The following MGAT4C variants were observed in gnomAD, a reference collection of about 807,000 sequenced individuals.
MGAT4C encodes MGAT4 family member C, also known as alpha-1,3-mannosyl-glycoprotein 4-beta-N-acetylglucosaminyltransferase C.
MGAT4C carries 19 observed loss-of-function variants against 40.1 expected under a neutral mutation model. That is an observed-to-expected ratio of 0.47 (90% CI 0.33 to 0.70). The LOEUF is 0.70. Ranked by LOEUF, MGAT4C falls within the 30% of genes least tolerant of loss-of-function variation. MGAT4C has a pLI of 0.02. For missense variants in MGAT4C, 491 were observed against 563.2 expected, an observed-to-expected ratio of 0.87 and a Z score of 1.30; for synonymous variants, 181 against 187.1, an observed-to-expected ratio of 0.97 and a Z score of 0.27.
intron 1 of MGAT4C, among the ~76,000 whole-genome samples, chr12:86,075,572 T>C (rs7969864): frequency 1.7e-3 from 257 of 152,330 alleles, no homozygotes; most frequent in African/African-American, 5.7e-3. Context: ...GATCCCACAC[T>C]TCCCTTCTGC....
intron 1 of MGAT4C, among the ~76,000 whole-genome samples, chr12:86,093,237 T>C (rs553740004): frequency 6.6e-6 from 1 of 152,324 alleles, no homozygotes; most frequent in South Asian, 2.1e-4. Flanking sequence ...TCGAATTTTA[T>C]CACTATGTTC....
chr12:86,716,451 T>G (rs1288536702), intron 2 of MGAT4C, among the ~76,000 whole-genome samples: 1 of 152,066 alleles, frequency 6.6e-6, no homozygotes, highest in Non-Finnish European at 1.5e-5. Flanking sequence ...ATCATCTCAT[T>G]TAGTATCTTG....
intron 1 of MGAT4C, among the ~76,000 whole-genome samples, chr12:86,135,617 G>C (rs867940733): frequency 1.3e-5 from 2 of 152,030 alleles, no homozygotes; most frequent in African/African-American, 4.8e-5. Context: ...TATCTCTCAG[G>C]CCTATTTATT....
intron 3 of MGAT4C, among the ~76,000 whole-genome samples, chr12:86,429,373 C>G (rs1328154886): frequency 6.6e-6 from 1 of 151,972 alleles, no homozygotes; most frequent in Non-Finnish European, 1.5e-5. Flanking sequence ...TGCTTTGTAC[C>G]TTAGCATGTG....
At chr12:86,708,320 G>T (rs1327807198) in intron 2 of MGAT4C, among the ~76,000 whole-genome samples, 1 of 152,230 alleles carries the variant, frequency 6.6e-6, no homozygotes, top group Non-Finnish European at 1.5e-5. Flanking sequence ...CAGAAGTCAA[G>T]AATTGGGATT....
chr12:86,661,743 A>T (rs1368282686), intron 2 of MGAT4C, among the ~76,000 whole-genome samples: 6 of 152,066 alleles, frequency 3.9e-5, no homozygotes, highest in Admixed American at 3.9e-4. Context: ...GTCAGGTTCG[A>T]GACCAGCCAA....
chr12:86,439,617 C>T (rs1171163780), intron 2 of MGAT4C, among the ~76,000 whole-genome samples: 1 of 151,564 alleles, frequency 6.6e-6, no homozygotes, highest in Non-Finnish European at 1.5e-5. Flanking sequence ...AGATAAACAA[C>T]AACAACAAAG....
intron 1 of MGAT4C, among the ~76,000 whole-genome samples, chr12:86,233,068 G>A (rs1951394114): frequency 6.6e-6 from 1 of 152,174 alleles, no homozygotes; most frequent in African/African-American, 2.4e-5. Context: ...CGCTGAGGCA[G>A]TCTCTAGGTT....
chr12:86,096,609 T>A (rs1873968952), intron 1 of MGAT4C, among the ~76,000 whole-genome samples: 1 of 151,574 alleles, frequency 6.6e-6, no homozygotes, highest in South Asian at 2.1e-4. Flanking sequence ...TTTTTTATGA[T>A]CAATTTGTCA....
In MGAT4C at chr12:85,965,742, T is replaced by A. The variant is rs1883333868; in HGVS notation, c.*13547A>T. ...GAACTTTTCCTAGCTTCTAAATGAT[T>A]AGAAATTTCAGCTTTGGTTTAACTT... On this transcript the variant is annotated 3_prime_UTR_variant, in exon 5 of 5. Coordinates refer to ENST00000611864, the MANE Select transcript of MGAT4C (RefSeq NM_001351288.2). 1 of 152,132 alleles carries A rather than the reference T, an allele frequency of 6.6e-6. No homozygotes were observed. Among genetic ancestry groups the A allele is most frequent in the Non-Finnish European group, 1.5e-5 (1 of 68,026 alleles). The allele number at this position is 152,132 out of a possible 1,614,324, so 9.4% of individuals were successfully genotyped here. A position where few individuals can be genotyped will look rare whatever the true frequency, so the allele number is the denominator to read the frequency against.
chr12:86,375,308 A>C (rs1351977128), intron 3 of MGAT4C, among the ~76,000 whole-genome samples: 2 of 152,168 alleles, frequency 1.3e-5, no homozygotes, highest in African/African-American at 2.4e-5. Context: ...TTACATGGAG[A>C]TTCTATGCAA....
At chr12:86,028,898 A>G (rs922483426) in intron 2 of MGAT4C, among the ~76,000 whole-genome samples, 1 of 151,974 alleles carries the variant, frequency 6.6e-6, no homozygotes, top group Non-Finnish European at 1.5e-5. Flanking sequence ...CTATATTTTC[A>G]CTGTACATGT....
At chr12:86,296,405 C>T (rs1170317683) in intron 4 of MGAT4C, among the ~76,000 whole-genome samples, 2 of 40,998 alleles carry the variant, frequency 4.9e-5, no homozygotes, top group African/African-American at 1.2e-4. Flanking sequence ...TGCGCTCGCA[C>T]TCCTCAGCCC....
chr12:86,009,976 T>A (rs532596213), intron 2 of MGAT4C, among the ~76,000 whole-genome samples: 36 of 152,320 alleles, frequency 2.4e-4, no homozygotes, highest in Admixed American at 4.6e-4. Flanking sequence ...CTTGGTAAAG[T>A]ACTCAAGAAT....
At chr12:86,508,393 A>AT (rs1411704485) in intron 2 of MGAT4C, among the ~76,000 whole-genome samples, 1 of 152,164 alleles carries the variant, frequency 6.6e-6, no homozygotes, top group Admixed American at 6.5e-5. Context: ...TGAACTCAAC[A>AT]TTTTTTATGG....
At chr12:86,294,503 G>C (rs933822716) in intron 4 of MGAT4C, among the ~76,000 whole-genome samples, 1 of 152,028 alleles carries the variant, frequency 6.6e-6, no homozygotes, top group Admixed American at 6.6e-5. Context: ...TACACGCAGG[G>C]CTTGACTGTT....
intron 1 of MGAT4C, among the ~76,000 whole-genome samples, chr12:86,775,079 G>A (rs898467004): frequency 1.3e-5 from 2 of 152,054 alleles, no homozygotes; most frequent in Non-Finnish European, 2.9e-5. Flanking sequence ...TTAGTAAATG[G>A]ATTTTTCTAT....
chr12:86,235,756 C>T (rs1175545360), intron 1 of MGAT4C, among the ~76,000 whole-genome samples: 1 of 151,990 alleles, frequency 6.6e-6, no homozygotes, highest in Non-Finnish European at 1.5e-5. Context: ...TCTCATAATA[C>T]CTAGCTCCTG....
intron 1 of MGAT4C, among the ~76,000 whole-genome samples, chr12:86,767,038 T>G: frequency 6.6e-6 from 1 of 151,574 alleles, no homozygotes; most frequent in Admixed American, 6.6e-5. Flanking sequence ...GTGAAGGAAA[T>G]AAAGACACAA....
Sources: allele counts gnomAD v4.1 joint callset (sites outside exome capture counted in the v4.1 genomes callset), GRCh38; gene constraint gnomAD v4.1.1; transcripts MANE v1.5; gene names NCBI Gene and HGNC (gene_info 2026-07-23, HGNC 2026-07-21).